Variants in SMOC1 observed in about 807,000 individuals in gnomAD.
The protein encoded by SMOC1 is SPARC-related modular calcium-binding protein 1.
In SMOC1, 22 loss-of-function variants were observed where a neutral mutation model predicts 56.3. That is an observed-to-expected ratio of 0.39 (90% CI 0.28 to 0.56). The LOEUF is 0.56. SMOC1 is among the 20% of genes least tolerant of loss of function. SMOC1 has a pLI of 0.61. For synonymous variants in SMOC1, 193 were observed against 215.0 expected (o/e 0.90, Z 0.89); for missense variants, 509 against 565.4 (o/e 0.90, Z 1.01).
At chr14:69,947,357 A>G (rs750016445) in intron 1 of SMOC1, among the ~76,000 whole-genome samples, 1 of 151,948 alleles carries the variant, frequency 6.6e-6, no homozygotes, top group Non-Finnish European at 1.5e-5. Context: ...TTTTGTAGAG[A>G]CAGTGTCTCT....
At chr14:70,000,990 T>C (rs1204993189) in intron 7 of SMOC1, among the ~76,000 whole-genome samples, 1 of 152,044 alleles carries the variant, frequency 6.6e-6, no homozygotes, top group African/African-American at 2.4e-5. Context: ...TAGGTGTGGC[T>C]CACAGGCCAC....
At chr14:69,886,198 A>G in intron 1 of SMOC1, 1 of 816,832 alleles carries the variant, frequency 1.2e-6, no homozygotes, top group African/African-American at 1.7e-5. Flanking sequence ...GTCCACTTGT[A>G]TTCTAACTTG....
At chr14:69,997,356 C>T (rs1463862062) in intron 7 of SMOC1, among the ~76,000 whole-genome samples, 1 of 152,188 alleles carries the variant, frequency 6.6e-6, no homozygotes, top group East Asian at 1.9e-4. Context: ...GTTTGGCTTT[C>T]TTAGGTAGTG....
At chr14:69,921,294 C>T (rs1367882369) in intron 1 of SMOC1, among the ~76,000 whole-genome samples, 2 of 152,158 alleles carry the variant, frequency 1.3e-5, no homozygotes, top group African/African-American at 4.8e-5. Context: ...AGACAGAGTG[C>T]CTGGGGAGGG....
chr14:69,971,034 T>C (rs532598110), intron 3 of SMOC1, among the ~76,000 whole-genome samples: 10 of 152,188 alleles, frequency 6.6e-5, no homozygotes, highest in Middle Eastern at 3.2e-3. Flanking sequence ...ATTCTTTTTT[T>C]TGGAGACGGA....
Position 69,930,730 on chromosome 14 carries a change from C to T in SMOC1, c.100-21408C>T, listed in dbSNP as rs913075042. ...TGAGAGCCTGGCCAGCTAGTGGCTT[C>T]TGAAGCCGGCTTCCCAGGCAAGGAC... On this transcript the variant is annotated intron_variant, in intron 1 of 11. Coordinates refer to ENST00000361956, the MANE Select transcript of SMOC1 (RefSeq NM_001034852.3). Among the ~76,000 whole-genome samples the T allele has an allele frequency of 7.2e-5, 11 of 152,192 alleles. 1 individual carries two copies. The highest frequency in any genetic ancestry group is 1.6e-4 in the Non-Finnish European group (11 of 68,042).
intron 3 of SMOC1, among the ~76,000 whole-genome samples, chr14:69,974,072 T>C (rs1883871980): frequency 6.6e-6 from 1 of 152,228 alleles, no homozygotes. Context: ...GAAAATAGGA[T>C]AATGGATGCC....
chr14:69,879,809 C>T (rs1221617076), intron 1 of SMOC1, 32 bp downstream of exon 1: 14 of 1,552,300 alleles, frequency 9.0e-6, no homozygotes, highest in South Asian at 1.2e-5. Flanking sequence ...CGCCCACCTG[C>T]GGAGGGAGGG....
chr14:69,975,840 T>C, intron 4 of SMOC1, 26 bp downstream of exon 4: 1 of 1,553,034 alleles, frequency 6.4e-7, no homozygotes, highest in Non-Finnish European at 8.9e-7. Context: ...GCGGGAAGAA[T>C]GAAAAGGGTT....
At chr14:69,945,151 C>G (rs1882734786) in intron 1 of SMOC1, among the ~76,000 whole-genome samples, 1 of 152,090 alleles carries the variant, frequency 6.6e-6, no homozygotes, top group Admixed American at 6.6e-5. Context: ...ACTGAACAAA[C>G]TTTTTTGGTA....
chr14:69,928,614 TTG>T, intron 1 of SMOC1, among the ~76,000 whole-genome samples: 1 of 62,716 alleles, frequency 1.6e-5, no homozygotes, highest in Non-Finnish European at 3.8e-5. Flanking sequence ...GAGGTGCTCA[TTG>T]GGGGGGGGGT....
intron 7 of SMOC1, among the ~76,000 whole-genome samples, chr14:70,008,151 A>T (rs1366401193): frequency 6.8e-6 from 1 of 146,982 alleles, no homozygotes; most frequent in African/African-American, 2.7e-5. Flanking sequence ...TTTTATTGAG[A>T]CAGGTTCTTA....
intron 5 of SMOC1, 90 bp from the exon 6 acceptor site, chr14:69,992,327 A>C: frequency 7.5e-7 from 1 of 1,340,826 alleles, no homozygotes; most frequent in Non-Finnish European, 1.1e-6. Flanking sequence ...GCCTTGTACA[A>C]ACCCCAACCA....
intron 3 of SMOC1, among the ~76,000 whole-genome samples, chr14:69,953,824 T>A (rs1883093194): frequency 6.6e-5 from 10 of 152,198 alleles, no homozygotes; most frequent in Admixed American, 6.5e-4. Context: ...GGGCCAGACC[T>A]GTGCTTTTCT....
chr14:69,933,808 G>A (rs1333292537), intron 1 of SMOC1, among the ~76,000 whole-genome samples: 2 of 152,148 alleles, frequency 1.3e-5, no homozygotes, highest in East Asian at 3.8e-4. Flanking sequence ...ATGAGCCATC[G>A]CGCCTGGCCA....
intron 1 of SMOC1, chr14:69,885,945 G>T (rs200843858): frequency 0.01 from 16,668 of 1,592,844 alleles, 128 homozygotes; most frequent in Non-Finnish European, 0.013. Flanking sequence ...ATGGCTCTCT[G>T]CCGCTGCAAC....
At chr14:70,001,717 G>A (rs541683799) in intron 7 of SMOC1, among the ~76,000 whole-genome samples, 1 of 152,262 alleles carries the variant, frequency 6.6e-6, no homozygotes, top group East Asian at 1.9e-4. Context: ...CTACCATTTA[G>A]CAACTTACTG....
At chr14:69,960,164 G>A (rs1161545794) in intron 3 of SMOC1, among the ~76,000 whole-genome samples, 2 of 152,190 alleles carry the variant, frequency 1.3e-5, no homozygotes, top group Admixed American at 6.5e-5. Flanking sequence ...CATCCTCATA[G>A]GGTGGAAGGG....
At position 70,010,735 on chromosome 14, in the gene SMOC1, G is replaced by T. The variant is rs941940933; in HGVS notation, c.665-19G>T. ...ATCACAGGAGTGATAGTCACCACAG[G>T]CTGTGTCTTCTCTTGCAGAGAAAGT... is the stretch of plus-strand genomic sequence containing the variant. On this transcript the variant is annotated intron_variant, in intron 7 of 11. Coordinates refer to ENST00000361956, the MANE Select transcript of SMOC1 (RefSeq NM_001034852.3). 4.3e-6 allele frequency: 7 copies of T among 1,613,602 alleles called. No individual in the cohort carries two copies. Among genetic ancestry groups the T allele is most frequent in the Admixed American group, 1.7e-5 (1 of 60,032 alleles).
Sources: allele counts gnomAD v4.1 joint callset (sites outside exome capture counted in the v4.1 genomes callset), GRCh38; gene constraint gnomAD v4.1.1; transcripts MANE v1.5; gene names NCBI Gene and HGNC (gene_info 2026-07-23, HGNC 2026-07-21).